Variants in PRDM12 observed in about 807,000 individuals in gnomAD.
PRDM12 encodes the protein PR/SET domain 12.
Under a neutral mutation model 29.6 loss-of-function variants are expected in PRDM12, and 17 were observed. That is an observed-to-expected ratio of 0.57 (90% CI 0.39 to 0.86). The LOEUF is 0.86. Among genes scored for constraint, PRDM12 ranks in the 40% least tolerant of loss-of-function variants. PRDM12 has a pLI of 0.00. For synonymous variants in PRDM12, 231 were observed against 225.8 expected (o/e 1.02, Z -0.21); for missense variants, 422 against 510.8 (o/e 0.83, Z 1.68).
At chr9:130,679,126 G>A (rs1830869832) in intron 4 of PRDM12, among the ~76,000 whole-genome samples, 1 of 152,180 alleles carries the variant, frequency 6.6e-6, no homozygotes, top group African/African-American at 2.4e-5. Context: ...CTGGCACAGA[G>A]TAGATGCTCC....
At chr9:130,672,589 C>T (rs1227522147) in intron 3 of PRDM12, among the ~76,000 whole-genome samples, 3 of 152,170 alleles carry the variant, frequency 2.0e-5, no homozygotes, top group Admixed American at 6.5e-5. Context: ...ACGGAGATTA[C>T]GGGAAGTTGC....
chr9:130,669,643 G>A (rs1461258940), intron 3 of PRDM12, among the ~76,000 whole-genome samples: 4 of 151,120 alleles, frequency 2.6e-5, no homozygotes, highest in East Asian at 3.9e-4. Context: ...GTGAAACCCC[G>A]TCTCTACTAA....
In PRDM12 at chr9:130,680,659, A is replaced by ATTTTTTTTTTTTTTTTT. The variant is rs767033169; in HGVS notation, c.683-575_683-574insTTTTTTTTTTTTTTTTT. ...AATATATATATATATATATATATAT[A>ATTTTTTTTTTTTTTTTT]TTTTTTTTTTTTTTAACTGATCCTT... On this transcript the variant is annotated intron_variant, in intron 4 of 4. Transcript: ENST00000253008. Among the ~76,000 whole-genome samples, 8 of 72,170 alleles carry ATTTTTTTTTTTTTTTTT rather than the reference A, an allele frequency of 1.1e-4. 1 individual carries two copies. Among genetic ancestry groups the ATTTTTTTTTTTTTTTTT allele is most frequent in the African/African-American group, 6.2e-4 (8 of 12,878 alleles). 47.3% of individuals were successfully genotyped at this position (72,170 alleles called of 152,430 possible).
At chr9:130,674,010 C>CTTTTTTTTTTTTTTTTT (rs35863613) in intron 3 of PRDM12, among the ~76,000 whole-genome samples, 20 of 71,848 alleles carry the variant, frequency 2.8e-4, no homozygotes, top group Non-Finnish European at 3.8e-4. Context: ...TTCTTTCTTT[C>CTTTTTTTTTTTTTTTTT]TTTTTTTTTT....
chr9:130,664,797 G>A lies in PRDM12; in HGVS notation c.144G>A (p.Gln48=), dbSNP rs778145672. The change falls in exon 1 of 5, where the codon CAG becomes CAA. Residue 48 remains glutamine (Q), a synonymous_variant. Transcript: ENST00000253008. This position sits in a 1 kb window ranked among gnomAD's most constrained non-coding sequence, Gnocchi z 6.4. ...GCTGGCGCAACGTGCTCGGGGAGCA[G>A]CTCTTCGAGGACAAGAGCCACCACG... is the stretch of plus-strand genomic sequence containing the variant. The part of the protein sequence containing the change: ...YGRWRNVLGE[Q]LFEDKSHHAS... 15 of 1,588,428 alleles carry A rather than the reference G, an allele frequency of 9.4e-6. No homozygotes were observed. The South Asian group carries it at 1.0e-4, about 11-fold the overall frequency.
intron 1 of PRDM12, 77 bp from the exon 2 acceptor site, chr9:130,666,531 G>T: frequency 1.2e-5 from 18 of 1,548,896 alleles, no homozygotes; most frequent in Non-Finnish European, 1.5e-5. Flanking sequence ...ACCGAAGCCG[G>T]GGTCCCGGCG....
In PRDM12 at chr9:130,681,386, G is replaced by T. The variant is rs1228696969; in HGVS notation, c.821G>T (p.Arg274Leu). 3.1e-6 allele frequency: 5 copies of T among 1,593,146 alleles called. No homozygotes were observed. In the African/African-American group the frequency reaches 4.1e-5, roughly 13 times the overall value. Residue 274 changes from arginine to leucine, a missense_variant, in exon 5 of 5, where the codon CGC becomes CTC. Transcript: ENST00000253008. The surrounding 1 kb of genome is among the most constrained non-coding windows in gnomAD (Gnocchi z 8.1). Reference protein sequence around the residue: ...IHTLDKPFVCRFCNRRFSQSS... With the variant: ...IHTLDKPFVCLFCNRRFSQSS... ...ACGCTGGACAAGCCCTTCGTGTGCC[G>T]CTTCTGCAACCGCCGCTTCAGCCAG...
At chr9:130,672,441 G>A (rs913756669) in intron 3 of PRDM12, among the ~76,000 whole-genome samples, 45 of 152,114 alleles carry the variant, frequency 3.0e-4, no homozygotes, top group African/African-American at 8.9e-4. Context: ...TGCCCGCCTC[G>A]GCCTCCCAAA....
In PRDM12 at chr9:130,678,557, T is replaced by C; in HGVS notation, c.599T>C (p.Val200Ala). ...EMIPPDQELL[V>A]WYGNSHNTFL... Reference sequence around the variant, plus strand: ...ATCCCACCTGACCAGGAACTGCTGGTGTGGTACGGAAACTCACACAACACC... The same window carrying C: ...ATCCCACCTGACCAGGAACTGCTGGCGTGGTACGGAAACTCACACAACACC... Residue 200 changes from valine (V) to alanine (A), a missense_variant, in exon 4 of 5, where the codon GTG becomes GCG. This residue lies in a region of PRDM12 where 300 missense variants were observed against 350.0 expected (regional missense o/e 0.86). Coordinates refer to ENST00000253008, the MANE Select transcript of PRDM12 (RefSeq NM_021619.3). The C allele has an allele frequency of 6.2e-7, 1 of 1,613,514 alleles. No individual in the cohort carries two copies. Among genetic ancestry groups the C allele is most frequent in the Non-Finnish European group, 8.5e-7 (1 of 1,179,704 alleles).
intron 3 of PRDM12, among the ~76,000 whole-genome samples, chr9:130,670,640 A>G (rs1830781259): frequency 1.3e-5 from 2 of 152,146 alleles, no homozygotes; most frequent in South Asian, 4.1e-4. Flanking sequence ...CACATATAAC[A>G]GAATGCACCC....
intron 3 of PRDM12, among the ~76,000 whole-genome samples, chr9:130,671,406 C>T (rs1260350930): frequency 2.6e-5 from 4 of 151,900 alleles, no homozygotes; most frequent in Non-Finnish European, 4.4e-5. Flanking sequence ...CACACACACA[C>T]ACACACACAC....
At chr9:130,680,815 G>A (rs975626930) in intron 4 of PRDM12, among the ~76,000 whole-genome samples, 2 of 151,528 alleles carry the variant, frequency 1.3e-5, no homozygotes, top group Non-Finnish European at 2.9e-5. Context: ...CATCACAGTT[G>A]CTCCCCTTTA....
chr9:130,680,251 C>T (rs951319710), intron 4 of PRDM12, among the ~76,000 whole-genome samples: 2 of 151,908 alleles, frequency 1.3e-5, no homozygotes, highest in African/African-American at 4.8e-5. Context: ...GTGGGAGGAT[C>T]GCTTGAACCC....
intron 3 of PRDM12, among the ~76,000 whole-genome samples, chr9:130,670,046 C>T (rs1308342623): frequency 3.9e-5 from 6 of 151,996 alleles, no homozygotes; most frequent in African/African-American, 1.4e-4. Flanking sequence ...ACACTGGGAC[C>T]CTCCCTGGAC....
intron 3 of PRDM12, among the ~76,000 whole-genome samples, chr9:130,676,683 T>C (rs1448079206): frequency 1.3e-5 from 2 of 152,270 alleles, no homozygotes; most frequent in East Asian, 1.9e-4. Context: ...TCCACTTTCT[T>C]GGAGGCACCG....
intron 3 of PRDM12, among the ~76,000 whole-genome samples, chr9:130,669,772 C>T (rs1830770780): frequency 7.2e-6 from 1 of 139,002 alleles, no homozygotes; most frequent in African/African-American, 2.8e-5. Flanking sequence ...GCCGAGATGG[C>T]ACCACTGTAC....
In PRDM12 at chr9:130,679,647, A is replaced by T. The variant is rs902675008; in HGVS notation, c.682+1007A>T. ...GGCACCTGGCCTGTGAAATTTGGTT[A>T]TCCATATTTTTATTTTATTTAACTT... On this transcript the variant is annotated intron_variant, in intron 4 of 4. Transcript: ENST00000253008. Among the ~76,000 whole-genome samples the T allele has an allele frequency of 2.9e-4, 44 of 150,160 alleles. 1 individual carries two copies. Among genetic ancestry groups the T allele is most frequent in the Admixed American group, 2.6e-4 (4 of 15,104 alleles).
chr9:130,681,384 C>T lies in PRDM12; in HGVS notation c.819C>T (p.Cys273=). 6.3e-7 allele frequency: 1 copy of T among 1,593,370 alleles called. No homozygotes were observed. The highest frequency in any genetic ancestry group is 8.5e-7 in the Non-Finnish European group (1 of 1,171,732). ...RIHTLDKPFV[C]RFCNRRFSQS... is the part of the protein sequence containing the mutation. The stretch of plus-strand genomic sequence containing the variant: ...ACACGCTGGACAAGCCCTTCGTGTG[C>T]CGCTTCTGCAACCGCCGCTTCAGCC... Residue 273 remains cysteine (C), a synonymous_variant, in exon 5 of 5, where the codon TGC becomes TGT. Transcript: ENST00000253008. This position sits in a 1 kb window ranked among gnomAD's most constrained non-coding sequence, Gnocchi z 8.1.
chr9:130,681,584 C>G lies in PRDM12; in HGVS notation c.1019C>G (p.Pro340Arg). The change falls in exon 5 of 5, where the codon CCG becomes CGG. Residue 340 changes from proline (P) to arginine (R), a missense_variant. Pro to Arg is a moderately radical substitution (Grantham distance 103). Around this residue, in one of 5 missense-constraint regions of PRDM12, gnomAD observed 66 missense variants for 61.5 expected, o/e 1.07. Transcript: ENST00000253008. The surrounding 1 kb of genome is among the most constrained non-coding windows in gnomAD (Gnocchi z 8.1). Reference protein sequence around the residue: ...LQAHSPALPAPHAHAPALAAA... With the variant: ...LQAHSPALPARHAHAPALAAA... ...GCACACTCGCCCGCGCTGCCCGCCC[C>G]GCACGCGCACGCGCCCGCGCTCGCC... 2.7e-6 allele frequency: 3 copies of G among 1,123,562 alleles called. No individual in the cohort carries two copies. The highest frequency in any genetic ancestry group is 4.3e-5 in the South Asian group (1 of 23,356). 69.6% of individuals were successfully genotyped at this position (1,123,562 alleles called of 1,614,324 possible).
Sources: allele counts gnomAD v4.1 joint callset (sites outside exome capture counted in the v4.1 genomes callset), GRCh38; gene constraint gnomAD v4.1.1; regional missense constraint gnomAD v4.1.1; non-coding constraint Gnocchi (gnomAD v3.1); transcripts MANE v1.5; gene names NCBI Gene and HGNC (gene_info 2026-07-23, HGNC 2026-07-21).